Variants in ACSL4 observed in about 807,000 individuals in gnomAD.
ACSL4 encodes acyl-CoA synthetase long chain family member 4.
Under a neutral mutation model 49.1 loss-of-function variants are expected in ACSL4, and 9 were observed. The ratio of observed to expected loss-of-function variants is 0.18; its 90% CI spans 0.11 to 0.32. The LOEUF is 0.32. Among genes scored for constraint, ACSL4 ranks in the 10% least tolerant of loss-of-function variants. ACSL4 has a pLI of 1.00. For missense variants in ACSL4, 333 were observed against 493.7 expected (o/e 0.67, Z 3.08); for synonymous variants, 191 against 170.3 (o/e 1.12, Z -0.95).
At chrX:109,700,267 C>T (rs960469371) in intron 1 of ACSL4, among the ~76,000 whole-genome samples, 12 of 103,975 alleles carry the variant, frequency 1.2e-4, no homozygotes, top group Non-Finnish European at 1.8e-4. Flanking sequence ...CGGTGGCTCA[C>T]GCCTGCAATC....
In ACSL4 at chrX:109,669,221, T is replaced by C. The variant is rs748674689; in HGVS notation, c.1003-48A>G. On this transcript the variant is annotated intron_variant, in intron 9 of 15. Coordinates refer to ENST00000672401, the MANE Select transcript of ACSL4 (RefSeq NM_001318510.2). ...AATAATCTGAAAGGAATGGAGACAG[T>C]CTTTAGTTGAAGATACCTTACTTGC... The C allele has an allele frequency of 1.1e-5, 11 of 1,025,419 alleles. No individual in the cohort carries two copies. In the East Asian group the frequency reaches 2.5e-4, roughly 23 times the overall value. 84.5% of individuals were successfully genotyped at this position (1,025,419 alleles called of 1,213,427 possible).
intron 15 of ACSL4, among the ~76,000 whole-genome samples, chrX:109,653,684 T>C (rs1395969901): frequency 9.1e-6 from 1 of 109,593 alleles, no homozygotes; most frequent in Non-Finnish European, 1.9e-5. Context: ...AAATCATCAT[T>C]CTCAGTAAAC....
Position 109,659,433 on chromosome X carries a change from T to C in ACSL4, c.1776A>G (p.Glu592=). The C allele has an allele frequency of 8.3e-7, 1 of 1,205,214 alleles. No homozygotes were observed. The highest frequency in any genetic ancestry group is 2.2e-5 in the Admixed American group (1 of 45,866). The stretch of plus-strand genomic sequence containing the variant: ...TATTGCAGATATCAACCCAAGTTCC[T>C]TCTACCCCTTTCTGTTGTGCCAAAA... ...LTLLAQQKGV[E]GTWVDICNNP... The change falls in exon 15 of 16, where the codon GAA becomes GAG. Residue 592 remains glutamate, a synonymous_variant. Coordinates refer to ENST00000672401, the MANE Select transcript of ACSL4 (RefSeq NM_001318510.2).
At chrX:109,704,217 A>G (rs1926180376) in intron 1 of ACSL4, among the ~76,000 whole-genome samples, 1 of 111,700 alleles carries the variant, frequency 9.0e-6, no homozygotes, top group South Asian at 3.7e-4. Context: ...CCTTGCATAG[A>G]TAAATATGCA....
chrX:109,730,822 A>G (rs1043020646), intron 1 of ACSL4, among the ~76,000 whole-genome samples: 2 of 111,094 alleles, frequency 1.8e-5, no homozygotes, highest in Non-Finnish European at 3.8e-5. Flanking sequence ...ACCCACCACC[A>G]CGCCTGGCTA....
chrX:109,670,279 A>T (rs778354631), intron 9 of ACSL4, among the ~76,000 whole-genome samples: 5 of 111,133 alleles, frequency 4.5e-5, no homozygotes, highest in Non-Finnish European at 7.6e-5. Context: ...AAGACAGCAG[A>T]ACCATCCCTT....
In ACSL4 at chrX:109,684,950, T is replaced by C. The variant is rs974706243; in HGVS notation, c.-12-1575A>G. ...GCTTGACTAAATACGCTACGGTAGT[T>C]ACAAAATCTAACAAATCAGGCAAAG... On this transcript the variant is annotated intron_variant, in intron 2 of 15. Coordinates refer to ENST00000672401, the MANE Select transcript of ACSL4 (RefSeq NM_001318510.2). 5.6e-4 allele frequency among the ~76,000 whole-genome samples: 62 copies of C among 111,214 alleles called. 1 individual carries two copies. Among genetic ancestry groups the C allele is most frequent in the Non-Finnish European group, 1.0e-3 (55 of 53,078 alleles).
chrX:109,706,975 A>G (rs1236424762), intron 1 of ACSL4, among the ~76,000 whole-genome samples: 3 of 112,710 alleles, frequency 2.7e-5, no homozygotes, highest in Admixed American at 1.9e-4. Flanking sequence ...GCAAAAACAT[A>G]AGTCTTACAC....
chrX:109,678,257 T>C lies in ACSL4; in HGVS notation c.806+8A>G, dbSNP rs201269990. ...ATTTCTAAGAAGAAAGTTAAAGAAT[T>C]ATCTTACCCCAGTCCAGGTATTCTT... On this transcript the variant is annotated splice_region_variant and intron_variant, in intron 7 of 15. Coordinates refer to ENST00000672401, the MANE Select transcript of ACSL4 (RefSeq NM_001318510.2). 8.3e-7 allele frequency: 1 copy of C among 1,211,605 alleles called. No individual in the cohort carries two copies. The highest frequency in any genetic ancestry group is 1.1e-6 in the Non-Finnish European group (1 of 895,337).
At chrX:109,692,134 T>C (rs1925084554) in intron 2 of ACSL4, 2 of 111,762 alleles carry the variant, frequency 1.8e-5, no homozygotes, top group South Asian at 3.8e-4. Flanking sequence ...AAGACACTTT[T>C]AATGCTCTAG....
chrX:109,643,334 A>C lies in ACSL4; in HGVS notation c.*695T>G, dbSNP rs897557419. 1.8e-5 allele frequency: 2 copies of C among 112,032 alleles called. No homozygotes were observed. Among genetic ancestry groups the C allele is most frequent in the East Asian group, 5.6e-4 (2 of 3,585 alleles). 9.2% of individuals were successfully genotyped at this position (112,032 alleles called of 1,213,427 possible). ...ATAATTACAGTTATTTTTAGATCTC[A>C]AAGTTTCAAAAAAAGCAGCTCAATT... On this transcript the variant is annotated 3_prime_UTR_variant, in exon 16 of 16. Coordinates refer to ENST00000672401, the MANE Select transcript of ACSL4 (RefSeq NM_001318510.2).
intron 15 of ACSL4, among the ~76,000 whole-genome samples, chrX:109,647,666 C>G (rs1229780669): frequency 9.0e-6 from 1 of 111,206 alleles, no homozygotes; most frequent in African/African-American, 3.3e-5. Flanking sequence ...CAAGAAATAA[C>G]TAAGATCAGA....
At chrX:109,699,373 G>C (rs1400368528) in intron 1 of ACSL4, among the ~76,000 whole-genome samples, 2 of 112,219 alleles carry the variant, frequency 1.8e-5, no homozygotes, top group Non-Finnish European at 3.8e-5. Context: ...AAAACATTAA[G>C]AAAGTTTTTA....
chrX:109,686,225 C>T (rs774773286), intron 2 of ACSL4, among the ~76,000 whole-genome samples: 8 of 111,883 alleles, frequency 7.2e-5, no homozygotes, highest in Non-Finnish European at 1.5e-4. Flanking sequence ...CATGATTATA[C>T]TACCATCACT....
chrX:109,704,528 T>C (rs1003583482), intron 1 of ACSL4, among the ~76,000 whole-genome samples: 17 of 111,762 alleles, frequency 1.5e-4, no homozygotes, highest in Non-Finnish European at 3.0e-4. Context: ...CAAATTTCAC[T>C]CCTTACATAC....
intron 2 of ACSL4, among the ~76,000 whole-genome samples, chrX:109,688,710 T>G (rs1487089309): frequency 1.8e-5 from 2 of 111,823 alleles, no homozygotes; most frequent in East Asian, 2.8e-4. Flanking sequence ...CTTGACCCAC[T>G]GGCAGCCTTT....
chrX:109,656,774 T>C (rs944092949), intron 15 of ACSL4, among the ~76,000 whole-genome samples: 17 of 108,999 alleles, frequency 1.6e-4, no homozygotes, highest in African/African-American at 5.8e-4. Flanking sequence ...GCCACCCACA[T>C]GGAATCCCTC....
chrX:109,727,199 C>G (rs952140502), intron 1 of ACSL4, among the ~76,000 whole-genome samples: 5 of 111,954 alleles, frequency 4.5e-5, no homozygotes, highest in Non-Finnish European at 9.4e-5. Context: ...CAACATTACA[C>G]TTAGAACACT....
chrX:109,713,244 C>G (rs1926885145), intron 1 of ACSL4, among the ~76,000 whole-genome samples: 1 of 112,003 alleles, frequency 8.9e-6, no homozygotes. Context: ...CCATCAGGCT[C>G]TCTTGCAGAG....
Sources: allele counts gnomAD v4.1 joint callset (sites outside exome capture counted in the v4.1 genomes callset), GRCh38; gene constraint gnomAD v4.1.1; transcripts MANE v1.5; gene names NCBI Gene and HGNC (gene_info 2026-07-23, HGNC 2026-07-21).